Variants in COL23A1 observed in about 807,000 individuals in gnomAD.
COL23A1 encodes the protein collagen alpha-1(XXIII) chain.
COL23A1 carries 97 observed loss-of-function variants against 99.3 expected under a neutral mutation model. That is an observed-to-expected ratio of 0.98 (90% CI 0.83 to 1.16). The LOEUF (loss-of-function observed/expected upper bound fraction) is 1.16, where lower values mean the gene tolerates loss of function less well. Ranked by LOEUF, COL23A1 falls within the 50% of genes most tolerant of loss-of-function variation. The pLI is 0.00. For missense variants in COL23A1, 762 were observed against 757.4 expected, an observed-to-expected ratio of 1.01 and a Z score of -0.07; for synonymous variants, 320 against 308.2, an observed-to-expected ratio of 1.04 and a Z score of -0.40.
intron 2 of COL23A1, among the ~76,000 whole-genome samples, chr5:178,524,787 A>AGGCC (rs1337359192): frequency 1.3e-5 from 2 of 152,198 alleles, no homozygotes; most frequent in Non-Finnish European, 2.9e-5. Flanking sequence ...GAGCCCTAAC[A>AGGCC]GGCCATGTGG....
intron 2 of COL23A1, among the ~76,000 whole-genome samples, chr5:178,453,816 C>CA (rs1767621013): frequency 6.6e-6 from 1 of 152,142 alleles, no homozygotes; most frequent in African/African-American, 2.4e-5. Flanking sequence ...CAGTCTGTCT[C>CA]ACTTCTCACC....
intron 2 of COL23A1, among the ~76,000 whole-genome samples, chr5:178,371,284 G>A (rs1359558542): frequency 6.6e-6 from 1 of 152,166 alleles, no homozygotes; most frequent in Non-Finnish European, 1.5e-5. Context: ...ACATGGGTTC[G>A]ACCAGTGTCA....
chr5:178,338,679 G>A (rs568611137), intron 2 of COL23A1, among the ~76,000 whole-genome samples: 51 of 147,434 alleles, frequency 3.5e-4, no homozygotes, highest in African/African-American at 1.2e-3. Context: ...TAGAGAAGTC[G>A]GCTTGTGTTT....
At chr5:178,417,848 A>G (rs958642211) in intron 2 of COL23A1, among the ~76,000 whole-genome samples, 1 of 152,060 alleles carries the variant, frequency 6.6e-6, no homozygotes, top group Non-Finnish European at 1.5e-5. Flanking sequence ...TGCAACAACA[A>G]CCTCTGACTT....
chr5:178,270,307 AC>A (rs773290114), intron 6 of COL23A1, 29 bp downstream of exon 6: 2 of 1,613,070 alleles, frequency 1.2e-6, no homozygotes. Flanking sequence ...CCAGCCCAGG[AC>A]CCCCTGGAAT....
chr5:178,397,582 G>C (rs983591800), intron 2 of COL23A1, among the ~76,000 whole-genome samples: 8 of 152,218 alleles, frequency 5.3e-5, no homozygotes, highest in Admixed American at 5.2e-4. Flanking sequence ...GTTAGACAGC[G>C]CCTGGATAAC....
chr5:178,390,036 G>T (rs113870534), intron 2 of COL23A1, among the ~76,000 whole-genome samples: 56 of 152,272 alleles, frequency 3.7e-4, no homozygotes, highest in African/African-American at 1.3e-3. Flanking sequence ...TGCTCAGGAC[G>T]GATCTGTGGG....
At chr5:178,550,733 C>T (rs1761953973) in intron 2 of COL23A1, among the ~76,000 whole-genome samples, 1 of 152,066 alleles carries the variant, frequency 6.6e-6, no homozygotes, top group Non-Finnish European at 1.5e-5. Flanking sequence ...TGTGGGTGAG[C>T]TCCTGGCATA....
intron 1 of COL23A1, 81 bp from the exon 2 acceptor site, chr5:178,560,829 C>A: frequency 7.2e-7 from 1 of 1,394,004 alleles, no homozygotes; most frequent in African/African-American, 1.4e-5. Flanking sequence ...GAAACATCAG[C>A]AAAAACAAAT....
At chr5:178,506,939 A>G (rs1035162175) in intron 2 of COL23A1, among the ~76,000 whole-genome samples, 1 of 152,166 alleles carries the variant, frequency 6.6e-6, no homozygotes, top group African/African-American at 2.4e-5. Flanking sequence ...TTTTGTATAC[A>G]GGACCGTTTG....
At chr5:178,411,752 G>C (rs1244761967) in intron 2 of COL23A1, among the ~76,000 whole-genome samples, 2 of 152,162 alleles carry the variant, frequency 1.3e-5, no homozygotes, top group Non-Finnish European at 2.9e-5. Flanking sequence ...ATGCTACTGA[G>C]TTGTTCACTT....
chr5:178,550,729 T>C (rs1761953712), intron 2 of COL23A1, among the ~76,000 whole-genome samples: 1 of 152,046 alleles, frequency 6.6e-6, no homozygotes. Context: ...AGCATGTGGG[T>C]GAGCTCCTGG....
In COL23A1 at chr5:178,308,741, C is replaced by T. The variant is rs545432487; in HGVS notation, c.362-1822G>A. 6.6e-6 allele frequency among the ~76,000 whole-genome samples: 1 copy of T among 152,270 alleles called. No homozygotes were observed. The highest frequency in any genetic ancestry group is 1.9e-4 in the East Asian group (1 of 5,174). Reference sequence around the variant, plus strand: ...AGTGCCCTGTGCGGGGCTGATGGTGCCTGGGAACCTCCAGAGCCAGTCACA... The same window carrying T: ...AGTGCCCTGTGCGGGGCTGATGGTGTCTGGGAACCTCCAGAGCCAGTCACA... On this transcript the variant is annotated intron_variant, in intron 2 of 28. Transcript: ENST00000390654. This position sits in a 1 kb window ranked among gnomAD's most constrained non-coding sequence, Gnocchi z 5.1.
chr5:178,260,412 T>C (rs1561800328), intron 11 of COL23A1, among the ~76,000 whole-genome samples: 1 of 152,088 alleles, frequency 6.6e-6, no homozygotes, highest in Non-Finnish European at 1.5e-5. Context: ...TATTACTAAG[T>C]GAAAGGAGCC....
Position 178,308,999 on chromosome 5 carries a change from G to C in COL23A1, c.362-2080C>G, listed in dbSNP as rs1202852776. ...CAGGCCTCAGGTTGTGCTCGGCCCA[G>C]CGAAGCAGTAGGCCCCGGGCCCCAG... is the stretch of plus-strand genomic sequence containing the variant. On this transcript the variant is annotated intron_variant, in intron 2 of 28. Transcript: ENST00000390654. This position sits in a 1 kb window ranked among gnomAD's most constrained non-coding sequence, Gnocchi z 5.1. 6.6e-6 allele frequency among the ~76,000 whole-genome samples: 1 copy of C among 152,326 alleles called. No individual in the cohort carries two copies. The highest frequency in any genetic ancestry group is 6.5e-5 in the Admixed American group (1 of 15,302).
At position 178,413,060 on chromosome 5, in the gene COL23A1, G is replaced by A. The variant is rs568183753; in HGVS notation, c.362-106141C>T. ...TAGCTGGGCATACTGGTGTCTGCCT[G>A]TAGTCTCAGCTACTTGGGAGGCTGA... On this transcript the variant is annotated intron_variant, in intron 2 of 28. Transcript: ENST00000390654. 2.6e-5 allele frequency among the ~76,000 whole-genome samples: 4 copies of A among 151,876 alleles called. No individual in the cohort carries two copies. The East Asian group carries it at 5.8e-4, about 22-fold the overall frequency.
intron 2 of COL23A1, among the ~76,000 whole-genome samples, chr5:178,446,646 C>G (rs1767176053): frequency 6.6e-6 from 1 of 152,184 alleles, no homozygotes; most frequent in Admixed American, 6.5e-5. Context: ...TTAAACATTG[C>G]TGACAGCACT....
chr5:178,382,521 G>C (rs141915629), intron 2 of COL23A1, among the ~76,000 whole-genome samples: 94 of 152,282 alleles, frequency 6.2e-4, no homozygotes, highest in Middle Eastern at 3.4e-3. Context: ...GGGACCTGAG[G>C]GTAGGCGACG....
intron 2 of COL23A1, among the ~76,000 whole-genome samples, chr5:178,401,030 T>A (rs1361044284): frequency 6.6e-6 from 1 of 152,210 alleles, no homozygotes; most frequent in Non-Finnish European, 1.5e-5. Flanking sequence ...CCTGGTAACC[T>A]CCACTCTACT....
Sources: allele counts gnomAD v4.1 joint callset (sites outside exome capture counted in the v4.1 genomes callset), GRCh38; gene constraint gnomAD v4.1.1; non-coding constraint Gnocchi (gnomAD v3.1); transcripts MANE v1.5; gene names NCBI Gene and HGNC (gene_info 2026-07-23, HGNC 2026-07-21).